GIPR: variants seen among roughly 807,000 people sequenced by gnomAD.
The protein encoded by GIPR is GIP-R.
A neutral mutation model predicts 62.2 loss-of-function variants in GIPR; 74 were observed. The observed-to-expected ratio is 1.19, with a 90% CI of 0.99 to 1.44. The LOEUF is 1.44. Among genes scored for constraint, GIPR ranks in the 40% most tolerant of loss-of-function variants. The pLI, the probability that GIPR is intolerant of heterozygous loss-of-function variation, is 0.00. For synonymous variants in GIPR, 256 were observed against 262.2 expected, an observed-to-expected ratio of 0.98 and a Z score of 0.23; for missense variants, 664 against 611.8, an observed-to-expected ratio of 1.09 and a Z score of -0.90.
chr19:45,682,710 T>C lies in GIPR; in HGVS notation c.*775T>C, dbSNP rs948639771. On this transcript the variant is annotated 3_prime_UTR_variant, in exon 14 of 14. Coordinates refer to ENST00000590918, the MANE Select transcript of GIPR (RefSeq NM_000164.4). ...AGGCACCGCCACCATGCCTGGCTAA[T>C]TTTTGCATTTTCAGTAGAGATAGGG... The C allele has an allele frequency of 6.6e-6, 1 of 151,892 alleles. No homozygotes were observed. The highest frequency in any genetic ancestry group is 1.9e-4 in the East Asian group (1 of 5,156). The allele number at this position is 151,892 out of a possible 1,614,324, so 9.4% of individuals were successfully genotyped here. A position where few individuals can be genotyped will look rare whatever the true frequency, so the allele number is the denominator to read the frequency against.
rs34403425 is a variant in GIPR, at chr19:45,671,778, C to CTTT, written c.280+393_280+395dup. ...TACAGGCGCGCGCCACCACACCCGG[C>CTTT]TTTTTTTTTATATATATATTTTTAG... On this transcript the variant is annotated intron_variant, in intron 4 of 13. Transcript: ENST00000590918. Among the ~76,000 whole-genome samples the CTTT allele has an allele frequency of 2.2e-3, 328 of 149,422 alleles. 1 individual carries two copies. Among genetic ancestry groups the CTTT allele is most frequent in the African/African-American group, 6.7e-3 (272 of 40,464 alleles).
Position 45,669,464 on chromosome 19 carries a change from TGG to T in GIPR, c.-44-11_-44-10del. On this transcript the variant is annotated splice_polypyrimidine_tract_variant and intron_variant, in intron 1 of 13. Coordinates refer to ENST00000590918, the MANE Select transcript of GIPR (RefSeq NM_000164.4). Reference sequence around the variant, plus strand: ...GAGGGCAGAGGTGCTGACCTTGCCCTGGGACCCTCCAGGCCTGATCGCCCCTG... The same window carrying T: ...GAGGGCAGAGGTGCTGACCTTGCCCTGACCCTCCAGGCCTGATCGCCCCTG... 1 of 1,542,826 alleles carries T rather than the reference TGG, an allele frequency of 6.5e-7. No homozygotes were observed. Among genetic ancestry groups the T allele is most frequent in the Non-Finnish European group, 8.7e-7 (1 of 1,147,550 alleles).
chr19:45,681,338 T>A (rs1033127232), intron 12 of GIPR, among the ~76,000 whole-genome samples: 1 of 151,794 alleles, frequency 6.6e-6, no homozygotes, highest in Non-Finnish European at 1.5e-5. Flanking sequence ...CTACTAAAAA[T>A]ACAAAAATTA....
At chr19:45,673,174 C>T (rs966463591) in intron 5 of GIPR, among the ~76,000 whole-genome samples, 11 of 152,296 alleles carry the variant, frequency 7.2e-5, no homozygotes, top group Admixed American at 6.5e-4. Flanking sequence ...AATCCCAGCA[C>T]TTTGGGAGGC....
At chr19:45,672,750 C>T (rs2146075793) in intron 4 of GIPR, 101 bp from the exon 5 acceptor site, 1 of 727,450 alleles carries the variant, frequency 1.4e-6, no homozygotes, top group Non-Finnish European at 2.5e-6. Context: ...ATCATCATCA[C>T]CACTTCGGCT....
chr19:45,674,802 C>T lies in GIPR; in HGVS notation c.609C>T (p.Asp203=), dbSNP rs1975745984. The T allele has an allele frequency of 6.2e-7, 1 of 1,613,998 alleles. No homozygotes were observed. Among genetic ancestry groups the T allele is most frequent in the Non-Finnish European group, 8.5e-7 (1 of 1,179,938 alleles). ...CTCGACCTGGCCCCTACCTTGGGGA[C>T]CAGGCCCTTGCGCTGTGGAACCAGG... The part of the protein sequence containing the change: ...LLPRPGPYLG[D]QALALWNQAL... Residue 203 remains aspartate, a synonymous_variant, in exon 7 of 14, where the codon GAC becomes GAT. Transcript: ENST00000590918.
intron 12 of GIPR, 136 bp downstream of exon 12, chr19:45,678,362 A>T: frequency 1.9e-6 from 2 of 1,026,044 alleles, no homozygotes; most frequent in Non-Finnish European, 2.9e-6. Flanking sequence ...TCATTAATTA[A>T]TTCATTCTTT....
intron 7 of GIPR, among the ~76,000 whole-genome samples, chr19:45,676,115 A>C (rs1975839836): frequency 6.6e-6 from 1 of 151,608 alleles, no homozygotes; most frequent in Non-Finnish European, 1.5e-5. Flanking sequence ...AGGTAGGAGA[A>C]TCACTTGAAC....
At chr19:45,675,200 G>A (rs2146085487) in intron 7 of GIPR, among the ~76,000 whole-genome samples, 1 of 152,230 alleles carries the variant, frequency 6.6e-6, no homozygotes. Flanking sequence ...TTGTTACTAG[G>A]AGACAGGGTG....
At chr19:45,673,374 C>G (rs1284804753) in intron 5 of GIPR, among the ~76,000 whole-genome samples, 1 of 137,366 alleles carries the variant, frequency 7.3e-6, no homozygotes, top group Non-Finnish European at 1.5e-5. Flanking sequence ...GAGCCAAGAT[C>G]GTGCCACTGC....
chr19:45,671,359 TCCTGCCCCTGGTA>T lies in GIPR; in HGVS notation c.255_267del (p.Trp86GlyfsTer65). On this transcript the variant is annotated frameshift_variant, in exon 4 of 14. Transcript: ENST00000590918. LOFTEE classifies it high-confidence loss of function. ...TGCACCCAATGCCACTGCCCGTGCG[TCCTGCCCCTGGTA>T]CCTGCCCTGGCACCACCATGGTGAG... 6.2e-7 allele frequency: 1 copy of T among 1,611,826 alleles called. No homozygotes were observed. Among genetic ancestry groups the T allele is most frequent in the Non-Finnish European group, 8.5e-7 (1 of 1,179,382 alleles).
chr19:45,669,881 A>G (rs1975446093), intron 2 of GIPR, among the ~76,000 whole-genome samples: 1 of 148,284 alleles, frequency 6.7e-6, no homozygotes, highest in African/African-American at 2.5e-5. Flanking sequence ...CCCGGGAGGC[A>G]GAGGTTGCGG....
chr19:45,677,320 C>T lies in GIPR; in HGVS notation c.794-3C>T, dbSNP rs547981969. On this transcript the variant is annotated splice_polypyrimidine_tract_variant and splice_region_variant and intron_variant, in intron 8 of 13. Coordinates refer to ENST00000590918, the MANE Select transcript of GIPR (RefSeq NM_000164.4). ...TGGGGGGGCGGGGTCGGGGTCTGCA[C>T]AGGGGCCCCCGCGCTTTTCGTCATT... 3.2e-5 allele frequency: 51 copies of T among 1,576,072 alleles called. No homozygotes were observed. In the East Asian group the frequency reaches 6.3e-4, roughly 20 times the overall value.
At chr19:45,671,609 A>G (rs1470449295) in intron 4 of GIPR, among the ~76,000 whole-genome samples, 1 of 151,682 alleles carries the variant, frequency 6.6e-6, no homozygotes, top group Non-Finnish European at 1.5e-5. Flanking sequence ...CTTTCTATTT[A>G]TTTATTTGGA....
intron 4 of GIPR, 193 bp from the exon 5 acceptor site, chr19:45,672,658 C>T: frequency 1.7e-6 from 1 of 581,144 alleles, no homozygotes; most frequent in Admixed American, 2.4e-5. Context: ...AAGGATATTA[C>T]TAATTCCATG....
chr19:45,676,193 G>C (rs957623568), intron 7 of GIPR, among the ~76,000 whole-genome samples: 25 of 128,482 alleles, frequency 1.9e-4, no homozygotes, highest in African/African-American at 7.3e-4. Flanking sequence ...ACAGAGCAAG[G>C]CTCCGTCTAA....
At position 45,677,323 on chromosome 19, in the gene GIPR, G is replaced by A; in HGVS notation, c.794G>A (p.Gly265Glu). The A allele has an allele frequency of 6.3e-7, 1 of 1,581,482 alleles. No individual in the cohort carries two copies. ...GGGGGCGGGGTCGGGGTCTGCACAG[G>A]GGCCCCCGCGCTTTTCGTCATTCCC... is the stretch of plus-strand genomic sequence containing the variant. The part of the protein sequence containing the change: ...HFRYYLLLGW[G>E]APALFVIPWV... The change falls in exon 9 of 14, where the codon GGG becomes GAG. Residue 265 changes from glycine to glutamate, a missense_variant and splice_region_variant. By Grantham distance (98) the Gly-to-Glu change is moderately conservative (BLOSUM62 -2). Transcript: ENST00000590918.
In GIPR at chr19:45,681,632, T is replaced by A. The variant is rs1389933999; in HGVS notation, c.1181T>A (p.Phe394Tyr). ...TTCCTGGTCAGCGTCCTCTACTGCT[T>A]CATCAACAAGGAGGTAGGCAGAGAC... is the stretch of plus-strand genomic sequence containing the variant. ...QGFLVSVLYC[F>Y]INKEVQSEIR... is the part of the protein sequence containing the mutation. Residue 394 changes from phenylalanine to tyrosine, a missense_variant, in exon 13 of 14, where the codon TTC (phenylalanine) becomes TAC (tyrosine). Physicochemically the swap from Phe to Tyr is conservative, Grantham distance 22. Transcript: ENST00000590918. 1 of 1,613,750 alleles carries A rather than the reference T, an allele frequency of 6.2e-7. No individual in the cohort carries two copies.
intron 8 of GIPR, 97 bp downstream of exon 8, chr19:45,677,205 C>G: frequency 7.0e-7 from 1 of 1,433,866 alleles, no homozygotes; most frequent in Non-Finnish European, 9.6e-7. Context: ...CCTCCCGTCT[C>G]TAGGCTTCTG....
Sources: allele counts gnomAD v4.1 joint callset (sites outside exome capture counted in the v4.1 genomes callset), GRCh38; gene constraint gnomAD v4.1.1; transcripts MANE v1.5; gene names NCBI Gene and HGNC (gene_info 2026-07-23, HGNC 2026-07-21).